DNAH11: variants seen among roughly 807,000 people sequenced by gnomAD.
DNAH11 encodes the protein axonemal beta dynein heavy chain 11.
A neutral mutation model predicts 526.0 loss-of-function variants in DNAH11; 442 were observed. That is an observed-to-expected ratio of 0.84 (90% CI 0.78 to 0.91). The LOEUF (loss-of-function observed/expected upper bound fraction) is 0.91. Ranked by LOEUF, DNAH11 falls within the 40% of genes least tolerant of loss-of-function variation. The pLI is 0.00. For missense variants in DNAH11, 6,989 were observed against 5,448.7 expected, an observed-to-expected ratio of 1.28 and a Z score of -8.90; for synonymous variants, 2,461 against 1,935.9, an observed-to-expected ratio of 1.27 and a Z score of -7.12.
At chr7:21,850,200 C>G (rs1488249768) in intron 66 of DNAH11, among the ~76,000 whole-genome samples, 1 of 148,504 alleles carries the variant, frequency 6.7e-6, no homozygotes, top group East Asian at 2.0e-4. Context: ...ACTAAAAATA[C>G]AAAAAATTAG....
In DNAH11 at chr7:21,778,964, G is replaced by A; in HGVS notation, c.9343G>A (p.Asp3115Asn). 1 of 1,612,922 alleles carries A rather than the reference G, an allele frequency of 6.2e-7. No individual in the cohort carries two copies. The highest frequency in any genetic ancestry group is 8.5e-7 in the Non-Finnish European group (1 of 1,179,244). ...KLKTTASQVG[D>N]LKARLASQEA... is the part of the protein sequence containing the mutation. ...ATAATGACTTTTGCTTTAGGTGGGA[G>A]ATCTAAAAGCCAGACTTGCCTCTCA... Residue 3115 changes from aspartate to asparagine, a missense_variant, in exon 57 of 82, where the codon GAT becomes AAT. Coordinates refer to ENST00000409508, the MANE Select transcript of DNAH11 (RefSeq NM_001277115.2).
At chr7:21,829,869 T>C (rs77518764) in intron 65 of DNAH11, among the ~76,000 whole-genome samples, 2 of 152,204 alleles carry the variant, frequency 1.3e-5, no homozygotes, top group Non-Finnish European at 2.9e-5. Context: ...AAACTGATCA[T>C]TGGGAACAGT....
chr7:21,544,390 A>G (rs1249139855), intron 1 of DNAH11, among the ~76,000 whole-genome samples: 3 of 152,180 alleles, frequency 2.0e-5, no homozygotes. Flanking sequence ...GCCTTATGGT[A>G]TTGTGAATTT....
chr7:21,897,359 T>TAACA (rs10645829), intron 79 of DNAH11, among the ~76,000 whole-genome samples: 27,425 of 152,060 alleles, frequency 0.18, 2,596 homozygotes, highest in Middle Eastern at 0.21. Context: ...TAAAATATAA[T>TAACA]AACACCCTCA....
intron 21 of DNAH11, among the ~76,000 whole-genome samples, chr7:21,615,853 T>C (rs1036278633): frequency 6.6e-6 from 1 of 152,134 alleles, no homozygotes; most frequent in East Asian, 1.9e-4. Flanking sequence ...GGTTGAAAAT[T>C]GTCATGTGAA....
intron 79 of DNAH11, among the ~76,000 whole-genome samples, chr7:21,895,285 T>C (rs1197019379): frequency 6.6e-6 from 1 of 152,148 alleles, no homozygotes; most frequent in Non-Finnish European, 1.5e-5. Flanking sequence ...ATCTGAAAAA[T>C]GTAGATGGCA....
intron 69 of DNAH11, among the ~76,000 whole-genome samples, chr7:21,863,115 A>G (rs913765532): frequency 6.6e-6 from 1 of 152,058 alleles, no homozygotes; most frequent in Non-Finnish European, 1.5e-5. Flanking sequence ...GATAAGAAAA[A>G]AGAAACCCTT....
chr7:21,666,117 T>G (rs1329013880), intron 30 of DNAH11, among the ~76,000 whole-genome samples: 1 of 152,150 alleles, frequency 6.6e-6, no homozygotes, highest in Non-Finnish European at 1.5e-5. Flanking sequence ...ATTCCTTTCC[T>G]TGGTTATCCC....
At chr7:21,858,988 C>A (rs908641078) in intron 68 of DNAH11, among the ~76,000 whole-genome samples, 2 of 152,116 alleles carry the variant, frequency 1.3e-5, no homozygotes, top group African/African-American at 4.8e-5. Context: ...TGACAAGATG[C>A]CCCAAGTGGA....
intron 61 of DNAH11, among the ~76,000 whole-genome samples, chr7:21,793,712 T>C (rs1368457928): frequency 6.6e-6 from 1 of 152,242 alleles, no homozygotes; most frequent in Non-Finnish European, 1.5e-5. Context: ...TAGTTTATCA[T>C]TAATGTTTCT....
intron 74 of DNAH11, among the ~76,000 whole-genome samples, chr7:21,880,413 G>T (rs1429544323): frequency 6.6e-6 from 1 of 152,202 alleles, no homozygotes; most frequent in African/African-American, 2.4e-5. Flanking sequence ...AGAGGAAAAT[G>T]ATGTCAAGCA....
intron 64 of DNAH11, among the ~76,000 whole-genome samples, chr7:21,817,708 G>A (rs759774562): frequency 1.1e-4 from 17 of 151,516 alleles, no homozygotes; most frequent in Admixed American, 3.3e-4. Context: ...TTTTTTTGAT[G>A]TAGTTTTTGT....
intron 12 of DNAH11, 63 bp downstream of exon 12, chr7:21,589,466 T>C (rs1784598746): frequency 7.5e-7 from 1 of 1,337,966 alleles, no homozygotes; most frequent in African/African-American, 1.5e-5. Context: ...CTATTTCTGA[T>C]ATTTCCAGTC....
At chr7:21,764,119 C>T (rs546992650) in intron 54 of DNAH11, among the ~76,000 whole-genome samples, 12 of 152,192 alleles carry the variant, frequency 7.9e-5, no homozygotes, top group East Asian at 5.8e-4. Flanking sequence ...TGCTGCACAG[C>T]GCTGGACTTA....
Position 21,899,924 on chromosome 7 carries a change from C to T in DNAH11, c.13163-56C>T, listed in dbSNP as rs72658831. The T allele has an allele frequency of 0.012, 18,259 of 1,587,112 alleles. 153 individuals carry two copies. Among genetic ancestry groups the T allele is most frequent in the Middle Eastern group, 0.016 (96 of 5,954 alleles). On this transcript the variant is annotated intron_variant, in intron 80 of 81. Transcript: ENST00000409508. ...GATGCCTCAATTTACTGGTAGCTCCCGGGAACCTTACATGCAACACTTTTA... is the reference window on the plus strand; with the variant it reads ...GATGCCTCAATTTACTGGTAGCTCCTGGGAACCTTACATGCAACACTTTTA...
intron 8 of DNAH11, 69 bp from the exon 9 acceptor site, chr7:21,581,836 C>T (rs1784318753): frequency 2.1e-6 from 2 of 959,160 alleles, no homozygotes; most frequent in Non-Finnish European, 1.7e-6. Context: ...TAAGGTCACG[C>T]TTGTGTGATT....
chr7:21,894,325 C>T lies in DNAH11; in HGVS notation c.12751-298C>T, dbSNP rs577933235. Among the ~76,000 whole-genome samples the T allele has an allele frequency of 6.6e-5, 10 of 152,360 alleles. No homozygotes were observed. The South Asian group carries it at 1.9e-3, about 28-fold the overall frequency. ...ATGTAGCTGATGACAGTTCTATACT[C>T]CCTAAATGTTAAGTGAGTAAACTGC... On this transcript the variant is annotated intron_variant, in intron 77 of 81. Coordinates refer to ENST00000409508, the MANE Select transcript of DNAH11 (RefSeq NM_001277115.2).
rs746381062 is a variant in DNAH11 at position 21,606,716 on chromosome 7, T to C, written c.3835T>C (p.Tyr1279His). 2 of 1,587,940 alleles carry C rather than the reference T, an allele frequency of 1.3e-6. No homozygotes were observed. The highest frequency in any genetic ancestry group is 3.4e-5 in the Admixed American group (2 of 58,420). Residue 1279 changes from tyrosine (Y) to histidine (H), a missense_variant, in exon 20 of 82, where the codon TAC (tyrosine) becomes CAC (histidine). Coordinates refer to ENST00000409508, the MANE Select transcript of DNAH11 (RefSeq NM_001277115.2). ...APLGFNAENP[Y>H]TALDKANEEL... ...TCTTGGATTTAATGCAGAAAATCCA[T>C]ACACAGCGCTTGATAAGGTAATACA...
At chr7:21,559,907 T>C in intron 4 of DNAH11, 115 bp downstream of exon 4, 1 of 891,508 alleles carries the variant, frequency 1.1e-6, no homozygotes, top group East Asian at 2.7e-5. Flanking sequence ...TGGTCTGCCC[T>C]CTTTTCTTAA....
Sources: gnomAD v4.1 joint callset for allele counts (sites outside exome capture counted in the v4.1 genomes callset) on GRCh38, gnomAD v4.1.1 for gene constraint, MANE v1.5 for transcripts, NCBI Gene and HGNC (gene_info 2026-07-23, HGNC 2026-07-21) for gene names.